Variants in ANKRD26 observed in about 807,000 individuals in gnomAD.
ANKRD26 encodes ankyrin repeat domain 26, also known as ankyrin repeat domain-containing protein 26.
A neutral mutation model predicts 208.7 loss-of-function variants in ANKRD26; 141 were observed. The ratio of observed to expected loss-of-function variants is 0.68; its 90% CI spans 0.59 to 0.78. The LOEUF (loss-of-function observed/expected upper bound fraction) is 0.78. Ranked by LOEUF, ANKRD26 falls within the 30% of genes least tolerant of loss-of-function variation. The pLI is 0.00. For synonymous variants in ANKRD26, 636 were observed against 660.4 expected (o/e 0.96, Z 0.57); for missense variants, 1,889 against 1,938.7 (o/e 0.97, Z 0.48).
chr10:27,001,587 C>CA (rs1280438100), downstream of ANKRD26, among the ~76,000 whole-genome samples: 2 of 152,114 alleles, frequency 1.3e-5, no homozygotes, highest in African/African-American at 4.8e-5. Context: ...CTAGGTGTGC[C>CA]ATTTGCATAG....
downstream of ANKRD26, among the ~76,000 whole-genome samples, chr10:26,971,310 G>A (rs2052138766): frequency 6.6e-6 from 1 of 152,144 alleles, no homozygotes; most frequent in Non-Finnish European, 1.5e-5. Flanking sequence ...TTGAACCCAG[G>A]AGGCAGAGGT....
chr10:27,073,909 G>C (rs1373394287), intron 9 of ANKRD26, among the ~76,000 whole-genome samples: 1 of 151,994 alleles, frequency 6.6e-6, no homozygotes, highest in Non-Finnish European at 1.5e-5. Flanking sequence ...TAACGAAGGA[G>C]CTCACTACTA....
At chr10:27,098,808 C>T (rs1263468085) in intron 1 of ANKRD26, among the ~76,000 whole-genome samples, 1 of 152,170 alleles carries the variant, frequency 6.6e-6, no homozygotes, top group Non-Finnish European at 1.5e-5. Flanking sequence ...CTCGGCCTCC[C>T]GAAGTGCTGG....
At chr10:27,053,552 G>A (rs546361839) in intron 15 of ANKRD26, among the ~76,000 whole-genome samples, 162 bp from the exon 16 acceptor site, 2 of 152,238 alleles carry the variant, frequency 1.3e-5, no homozygotes, top group South Asian at 4.1e-4. Flanking sequence ...CGCCCTAGCT[G>A]GAGTGCAGTG....
chr10:27,089,662 T>C (rs1165356604), intron 4 of ANKRD26, among the ~76,000 whole-genome samples: 1 of 152,140 alleles, frequency 6.6e-6, no homozygotes, highest in Non-Finnish European at 1.5e-5. Flanking sequence ...CATGGTGGTA[T>C]GTGCTTGTAG....
At chr10:26,983,084 A>G (rs988926219) in intron 3 of ANKRD26, among the ~76,000 whole-genome samples, 1 of 152,194 alleles carries the variant, frequency 6.6e-6, no homozygotes, top group African/African-American at 2.4e-5. Flanking sequence ...CTAACGCCAT[A>G]CAATTTTGCA....
chr10:26,963,627 T>C, the ANKRD26 span, among the ~76,000 whole-genome samples: 1 of 152,082 alleles, frequency 6.6e-6, no homozygotes, highest in Non-Finnish European at 1.5e-5. Flanking sequence ...CCACAGGGGA[T>C]TGGTTCCAGG....
At chr10:26,949,430 A>G in the ANKRD26 span, among the ~76,000 whole-genome samples, 1 of 116,656 alleles carries the variant, frequency 8.6e-6, no homozygotes, top group Non-Finnish European at 2.1e-5. Flanking sequence ...AATGTATCAC[A>G]TTATTCAGTT....
chr10:27,013,749 CA>C, intron 31 of ANKRD26, among the ~76,000 whole-genome samples: 1 of 152,044 alleles, frequency 6.6e-6, no homozygotes, highest in Non-Finnish European at 1.5e-5. Context: ...AGGAATAATT[CA>C]GAGCAAAAAA....
At chr10:27,031,074 A>C (rs1303863251) in intron 25 of ANKRD26, among the ~76,000 whole-genome samples, 1 of 152,216 alleles carries the variant, frequency 6.6e-6, no homozygotes, top group African/African-American at 2.4e-5. Context: ...AAAGCTTCCG[A>C]AAGGAGGGGG....
chr10:27,088,919 T>G (rs762504602), intron 4 of ANKRD26, among the ~76,000 whole-genome samples: 1 of 152,118 alleles, frequency 6.6e-6, no homozygotes, highest in Non-Finnish European at 1.5e-5. Context: ...AGGTTTTGAG[T>G]GTAGGTGGAA....
chr10:27,061,117 A>C, intron 13 of ANKRD26, 27 bp downstream of exon 13: 1 of 1,485,468 alleles, frequency 6.7e-7, no homozygotes, highest in East Asian at 2.3e-5. Flanking sequence ...ATAACAGTTA[A>C]CAAAAATACG....
intron 4 of ANKRD26, among the ~76,000 whole-genome samples, chr10:27,089,982 A>T (rs2056247036): frequency 6.6e-6 from 1 of 152,220 alleles, no homozygotes. Flanking sequence ...ATTTAGTGTT[A>T]ACTAGCCTTT....
intron 5 of ANKRD26, among the ~76,000 whole-genome samples, chr10:26,994,611 A>T (rs56331929): frequency 0.021 from 3,186 of 152,264 alleles, 173 homozygotes; most frequent in East Asian, 0.17. Context: ...TGGTGGCTCA[A>T]ATACTGCTCT....
Position 27,035,462 on chromosome 10 carries a change from C to T in ANKRD26, c.2988G>A (p.Lys996=), listed in dbSNP as rs186403561. Residue 996 remains lysine, a synonymous_variant, in exon 24 of 34, where the codon AAG becomes AAA. Transcript: ENST00000376087. ...CTGCTTCCAGTCTTTCCTTGCTTTG[C>T]TTTTCATTCTCCAGTTTAGAATTTA... is the stretch of plus-strand genomic sequence containing the variant. ...AMLNSKLENE[K]QSKERLEAEV... The T allele has an allele frequency of 3.1e-5, 50 of 1,613,978 alleles. No individual in the cohort carries two copies. In the East Asian group the frequency reaches 6.0e-4, roughly 19 times the overall value.
chr10:27,037,211 A>G lies in ANKRD26; in HGVS notation c.2672T>C (p.Met891Thr), dbSNP rs777504401. The G allele has an allele frequency of 3.6e-5, 58 of 1,613,514 alleles. No homozygotes were observed. The highest frequency in any genetic ancestry group is 4.8e-5 in the Non-Finnish European group (57 of 1,179,690). ...CTCAGAATTCATTTTCTTTTGAGCC[A>G]TTTCAATCTCCTTTTGTTTGGAAAG... ...NHLSKQKEIE[M>T]AQKKMNSENS... Residue 891 changes from methionine (M) to threonine (T), a missense_variant, in exon 23 of 34, where the codon ATG becomes ACG. Coordinates refer to ENST00000376087, the MANE Select transcript of ANKRD26 (RefSeq NM_014915.3).
rs142574680 is a variant in ANKRD26, at chr10:27,093,340, G to C, written c.531+9C>G. The C allele has an allele frequency of 4.0e-4, 643 of 1,612,136 alleles. 2 individuals carry two copies. The East Asian group carries it at 0.013, about 33-fold the overall frequency. On this transcript the variant is annotated intron_variant, in intron 3 of 33. Coordinates refer to ENST00000376087, the MANE Select transcript of ANKRD26 (RefSeq NM_014915.3). ...AAATACTGTAAAAATAAAGTTGGTT[G>C]ATCTATACCTTGTTTTTTGCTTCAA...
chr10:26,967,723 C>T, the ANKRD26 span, among the ~76,000 whole-genome samples: 1 of 152,178 alleles, frequency 6.6e-6, no homozygotes, highest in African/African-American at 2.4e-5. Context: ...CAAACTTGTA[C>T]ATCCTACCTA....
intron 15 of ANKRD26, among the ~76,000 whole-genome samples, chr10:27,055,858 G>A (rs1265206464): frequency 6.6e-6 from 1 of 151,846 alleles, no homozygotes; most frequent in East Asian, 1.9e-4. Flanking sequence ...TACATTACAT[G>A]TAGTTATAAC....
Sources: allele counts gnomAD v4.1 joint callset (sites outside exome capture counted in the v4.1 genomes callset), GRCh38; gene constraint gnomAD v4.1.1; transcripts MANE v1.5; gene names NCBI Gene and HGNC (gene_info 2026-07-23, HGNC 2026-07-21).